Variants in TERF1 observed in about 807,000 individuals in gnomAD.
TERF1 encodes the protein telomeric repeat binding factor 1, also known as telomeric repeat-binding factor 1.
TERF1 carries 20 observed loss-of-function variants against 55.1 expected under a neutral mutation model. The observed-to-expected ratio is 0.36, with a 90% CI of 0.26 to 0.53. The LOEUF (loss-of-function observed/expected upper bound fraction) is 0.53, where lower values mean the gene tolerates loss of function less well. Ranked by LOEUF, TERF1 falls within the 20% of genes least tolerant of loss-of-function variation. TERF1 has a pLI of 0.91. For missense variants in TERF1, 439 were observed against 535.7 expected, an observed-to-expected ratio of 0.82 and a Z score of 1.78; for synonymous variants, 168 against 181.2, an observed-to-expected ratio of 0.93 and a Z score of 0.59.
intron 2 of TERF1, among the ~76,000 whole-genome samples, chr8:73,017,329 G>A (rs544316975): frequency 6.6e-6 from 1 of 152,276 alleles, no homozygotes; most frequent in South Asian, 2.1e-4. Context: ...GGCACAGTAA[G>A]TGATATTTAA....
intron 1 of TERF1, chr8:73,009,482 C>G (rs960148295): frequency 4.8e-5 from 21 of 437,002 alleles, no homozygotes; most frequent in Non-Finnish European, 7.8e-5. Context: ...GTATACAGTT[C>G]CACTCAACCC....
chr8:73,022,424 G>C (rs889676088), intron 4 of TERF1, 122 bp downstream of exon 4: 12 of 515,010 alleles, frequency 2.3e-5, no homozygotes, highest in Non-Finnish European at 9.6e-6. Flanking sequence ...ATAATACCGT[G>C]CAACAGAAAA....
chr8:73,026,774 G>A lies in TERF1; in HGVS notation c.775-166G>A, dbSNP rs1809024888. 2.0e-5 allele frequency among the ~76,000 whole-genome samples: 3 copies of A among 152,058 alleles called. No individual in the cohort carries two copies. The South Asian group carries it at 6.2e-4, about 31-fold the overall frequency. Reference sequence around the variant, plus strand: ...GATAGCTAATGTAGCTGCTGGCAGTGTCATAATTATTGGTGAAAATAACAA... The same window carrying A: ...GATAGCTAATGTAGCTGCTGGCAGTATCATAATTATTGGTGAAAATAACAA... On this transcript the variant is annotated intron_variant, in intron 5 of 9. Coordinates refer to ENST00000276603, the MANE Select transcript of TERF1 (RefSeq NM_017489.3).
At chr8:73,027,688 G>C (rs1809076047) in intron 6 of TERF1, among the ~76,000 whole-genome samples, 1 of 152,066 alleles carries the variant, frequency 6.6e-6, no homozygotes, top group Non-Finnish European at 1.5e-5. Flanking sequence ...CCCATGGTCT[G>C]TTTTCTCTGT....
intron 6 of TERF1, among the ~76,000 whole-genome samples, chr8:73,028,051 A>G (rs778225262): frequency 2.0e-5 from 3 of 152,174 alleles, no homozygotes; most frequent in East Asian, 3.9e-4. Flanking sequence ...TAGAGATTCC[A>G]TTTTTATTGG....
chr8:73,030,535 C>T (rs1346109347), intron 7 of TERF1, 140 bp downstream of exon 7: 1 of 517,968 alleles, frequency 1.9e-6, no homozygotes, highest in East Asian at 3.5e-5. Context: ...CAGATAGTCA[C>T]GACTCTGAGA....
At chr8:73,037,287 TTATCTATCTTATCTACC>T (rs1809574023) in intron 8 of TERF1, among the ~76,000 whole-genome samples, 1 of 137,584 alleles carries the variant, frequency 7.3e-6, no homozygotes, top group African/African-American at 2.7e-5. Flanking sequence ...ATGAGAAGCT[TTATCTATCTTATCTACC>T]TATCTACTTA....
At chr8:73,023,535 G>A (rs1481263986) in intron 4 of TERF1, among the ~76,000 whole-genome samples, 1 of 152,096 alleles carries the variant, frequency 6.6e-6, no homozygotes, top group African/African-American at 2.4e-5. Context: ...TAACCCTCCA[G>A]AAATTTCAGC....
intron 9 of TERF1, among the ~76,000 whole-genome samples, chr8:73,045,613 T>G (rs1275388894): frequency 6.6e-6 from 1 of 152,172 alleles, no homozygotes; most frequent in Non-Finnish European, 1.5e-5. Context: ...AAAGCCTATT[T>G]GGAGATTTGG....
At chr8:73,038,824 T>A in intron 8 of TERF1, 1 of 803,342 alleles carries the variant, frequency 1.2e-6, no homozygotes, top group Non-Finnish European at 1.5e-6. Flanking sequence ...TCCTATGCAA[T>A]AAATATTTTT....
chr8:73,026,659 C>T (rs749634503), intron 5 of TERF1, among the ~76,000 whole-genome samples: 1 of 147,900 alleles, frequency 6.8e-6, no homozygotes, highest in Non-Finnish European at 1.5e-5. Context: ...TTTCATGCAG[C>T]CTTTTCTCTT....
At chr8:73,027,909 C>T (rs1809086699) in intron 6 of TERF1, among the ~76,000 whole-genome samples, 1 of 152,126 alleles carries the variant, frequency 6.6e-6, no homozygotes, top group Non-Finnish European at 1.5e-5. Flanking sequence ...GTTCTGTCAT[C>T]TTATAGTGGC....
Position 73,008,949 on chromosome 8 carries a change from C to G in TERF1, c.63C>G (p.Ala21=), listed in dbSNP as rs139198822. The G allele has an allele frequency of 3.4e-5, 55 of 1,612,958 alleles. No individual in the cohort carries two copies. Among genetic ancestry groups the G allele is most frequent in the Non-Finnish European group, 4.7e-5 (55 of 1,179,732 alleles). The change falls in exon 1 of 10, where the codon GCC becomes GCG. Residue 21 remains alanine (A), a synonymous_variant. Transcript: ENST00000276603. ...SPRGCADGRD[A]DPTEEQMAET... ...GGGGCTGTGCGGATGGTAGGGATGC[C>G]GACCCTACTGAGGAGCAGATGGCAG...
intron 8 of TERF1, chr8:73,038,778 T>C: frequency 1.0e-6 from 1 of 972,398 alleles, no homozygotes; most frequent in Non-Finnish European, 1.2e-6. Context: ...TGCTTCTTAG[T>C]ACTCCTAAAA....
chr8:73,039,119 CA>C lies in TERF1; in HGVS notation c.1049del (p.Lys350ArgfsTer21). ...GACATTATTTTTCTACTTTTAGGTACAAAAAAGAAAAAAGAAAGCAGAAGAG... is the reference window on the plus strand; with the variant it reads ...GACATTATTTTTCTACTTTTAGGTACAAAAAGAAAAAAGAAAGCAGAAGAG... ...KERRVGTPQS[T>X]KKKKESRRAT... is the part of the protein sequence containing the mutation. On this transcript the variant is annotated frameshift_variant, in exon 9 of 10. Coordinates refer to ENST00000276603, the MANE Select transcript of TERF1 (RefSeq NM_017489.3). LOFTEE classifies it high-confidence loss of function. 6.4e-7 allele frequency: 1 copy of C among 1,552,020 alleles called. No individual in the cohort carries two copies. The highest frequency in any genetic ancestry group is 1.4e-5 in the African/African-American group (1 of 71,910).
intron 6 of TERF1, among the ~76,000 whole-genome samples, chr8:73,027,684 G>A (rs1317134904): frequency 6.6e-6 from 1 of 152,046 alleles, no homozygotes; most frequent in African/African-American, 2.4e-5. Context: ...TGAACCCATG[G>A]TCTGTTTTCT....
rs943041289 is a variant in TERF1, at chr8:73,047,244, A to G, written c.*1107A>G. ...GTATTACCCATGGGACAAAATTTGT[A>G]CTATTAGCAAGAATCATTTTGTGTC... is the stretch of plus-strand genomic sequence containing the variant. On this transcript the variant is annotated 3_prime_UTR_variant, in exon 10 of 10. Transcript: ENST00000276603. 12 of 152,330 alleles carry G rather than the reference A, an allele frequency of 7.9e-5. No individual in the cohort carries two copies. The highest frequency in any genetic ancestry group is 1.3e-4 in the Non-Finnish European group (9 of 68,024). The allele number at this position is 152,330 out of a possible 1,614,324, so 9.4% of individuals were successfully genotyped here.
intron 5 of TERF1, 107 bp from the exon 6 acceptor site, chr8:73,026,833 A>G: frequency 1.2e-6 from 1 of 828,670 alleles, no homozygotes; most frequent in Non-Finnish European, 2.0e-6. Context: ...GAACAGATAC[A>G]TTAGCTATGA....
intron 6 of TERF1, 103 bp from the exon 7 acceptor site, chr8:73,030,233 T>C: frequency 1.4e-6 from 1 of 740,278 alleles, no homozygotes; most frequent in Non-Finnish European, 2.1e-6. Context: ...TTTCCAAAGT[T>C]ATTTTTTTAT....
Sources: gnomAD v4.1 joint callset for allele counts (sites outside exome capture counted in the v4.1 genomes callset) on GRCh38, gnomAD v4.1.1 for gene constraint, MANE v1.5 for transcripts, NCBI Gene and HGNC (gene_info 2026-07-23, HGNC 2026-07-21) for gene names.